The following SCAP variants were observed in gnomAD, a reference collection of about 807,000 sequenced individuals.
The protein encoded by SCAP is SREBF chaperone.
Under a neutral mutation model 123.6 loss-of-function variants are expected in SCAP, and 65 were observed. The ratio of observed to expected loss-of-function variants is 0.53; its 90% CI spans 0.43 to 0.65. The LOEUF is 0.65. SCAP is among the 30% of genes least tolerant of loss of function. SCAP has a pLI of 0.00. For missense variants in SCAP, 1,398 were observed against 1,712.5 expected (o/e 0.82, Z 3.24); for synonymous variants, 740 against 726.3 (o/e 1.02, Z -0.30).
At chr3:47,454,030 A>G (rs956370585) in intron 1 of SCAP, among the ~76,000 whole-genome samples, 8 of 152,232 alleles carry the variant, frequency 5.3e-5, no homozygotes, top group African/African-American at 1.9e-4. Flanking sequence ...ATCTCTGCCA[A>G]TGCTGAAGAC....
intron 1 of SCAP, among the ~76,000 whole-genome samples, chr3:47,443,782 T>A (rs1345598034): frequency 1.3e-5 from 2 of 152,172 alleles, no homozygotes; most frequent in African/African-American, 4.8e-5. Flanking sequence ...AACAGCAGCC[T>A]GGTATGGCTC....
chr3:47,445,232 T>G (rs1706984369), intron 1 of SCAP, among the ~76,000 whole-genome samples: 1 of 151,570 alleles, frequency 6.6e-6, no homozygotes, highest in South Asian at 2.1e-4. Context: ...TTTGAATACC[T>G]GTTTTCAATT....
rs1705468158 is a variant in SCAP, at chr3:47,414,443, TG to T, written c.3388-58del. ...CATGGTGTAATACCTCTGTCAACAG[TG>T]GTGTCCCTGTGCCCCAGTGGGTGGG... On this transcript the variant is annotated intron_variant, in intron 21 of 22. Coordinates refer to ENST00000265565, the MANE Select transcript of SCAP (RefSeq NM_012235.4). The T allele has an allele frequency of 5.6e-6, 9 of 1,597,212 alleles. No individual in the cohort carries two copies. In the South Asian group the frequency reaches 9.9e-5, roughly 18 times the overall value.
intron 3 of SCAP, among the ~76,000 whole-genome samples, chr3:47,433,820 G>A (rs571906633): frequency 1.3e-5 from 2 of 152,226 alleles, no homozygotes; most frequent in African/African-American, 4.8e-5. Flanking sequence ...AATGAGCTGA[G>A]ATCACGCCAC....
chr3:47,448,508 GAT>G (rs1409694969), intron 1 of SCAP, among the ~76,000 whole-genome samples: 2 of 151,228 alleles, frequency 1.3e-5, no homozygotes, highest in African/African-American at 4.9e-5. Context: ...AAACATAAAA[GAT>G]AAACTTTCTG....
At position 47,443,462 on chromosome 3, in the gene SCAP, C is replaced by G. The variant is rs77852723; in HGVS notation, c.-98-371G>C. Reference sequence around the variant, plus strand: ...TCTGTCAAACAGGCATTCTTCCCCCCCCTCCTCTATGCACAAATCCCACTG... The same window carrying G: ...TCTGTCAAACAGGCATTCTTCCCCCGCCTCCTCTATGCACAAATCCCACTG... On this transcript the variant is annotated intron_variant, in intron 1 of 22. Transcript: ENST00000265565. Among the ~76,000 whole-genome samples, 1,175 of 152,168 alleles carry G rather than the reference C, an allele frequency of 7.7e-3. 18 individuals are homozygous for G. The highest frequency in any genetic ancestry group is 0.027 in the African/African-American group (1,103 of 41,498).
intron 1 of SCAP, among the ~76,000 whole-genome samples, chr3:47,450,529 T>C (rs1707199293): frequency 8.6e-6 from 1 of 115,892 alleles, no homozygotes; most frequent in Admixed American, 9.5e-5. Context: ...TTTTTTTTCC[T>C]TGAGACAGAG....
chr3:47,462,355 T>C (rs975544276), intron 1 of SCAP, among the ~76,000 whole-genome samples: 60 of 152,156 alleles, frequency 3.9e-4, no homozygotes, highest in African/African-American at 1.4e-3. Flanking sequence ...CTATACAACC[T>C]CTGCCCCATC....
At chr3:47,456,958 G>A (rs546155653) in intron 1 of SCAP, among the ~76,000 whole-genome samples, 2 of 151,626 alleles carry the variant, frequency 1.3e-5, no homozygotes, top group African/African-American at 2.4e-5. Context: ...AGGCTGAGGC[G>A]GGTGGATCAC....
intron 1 of SCAP, among the ~76,000 whole-genome samples, chr3:47,454,851 G>A (rs986535312): frequency 1.3e-5 from 2 of 151,300 alleles, no homozygotes; most frequent in African/African-American, 2.4e-5. Flanking sequence ...AAGCCCAATG[G>A]GAACACACTA....
At chr3:47,425,306 A>G (rs1485259439) in intron 8 of SCAP, 179 bp downstream of exon 8, 5 of 686,532 alleles carry the variant, frequency 7.3e-6, no homozygotes, top group African/African-American at 1.8e-5. Flanking sequence ...ATATACAAAC[A>G]CAAGTATGAA....
At chr3:47,438,595 C>T (rs1313216990) in intron 2 of SCAP, among the ~76,000 whole-genome samples, 2 of 152,140 alleles carry the variant, frequency 1.3e-5, no homozygotes, top group South Asian at 2.1e-4. Flanking sequence ...GGGTGGGTCA[C>T]GTGAGGTCAG....
chr3:47,449,042 G>A (rs1399155987), intron 1 of SCAP, among the ~76,000 whole-genome samples: 3 of 152,154 alleles, frequency 2.0e-5, no homozygotes, highest in Admixed American at 2.0e-4. Flanking sequence ...TGTGGGCTGT[G>A]GTACCAATAT....
Position 47,420,964 on chromosome 3 carries a change from G to A in SCAP, c.1311C>T (p.Thr437=), listed in dbSNP as rs943499097. ...GGCGAATGTCAATGGACAGGACAGT[G>A]GTGAAAAACAGCATCTGAAGGAAGA... ...SDFFLQMLFF[T]TVLSIDIRRM... is the part of the protein sequence containing the mutation. Residue 437 remains threonine, a synonymous_variant, in exon 11 of 23, where the codon ACC becomes ACT. Coordinates refer to ENST00000265565, the MANE Select transcript of SCAP (RefSeq NM_012235.4). This position sits in a 1 kb window ranked among gnomAD's most constrained non-coding sequence, Gnocchi z 5.0. The A allele has an allele frequency of 1.2e-6, 2 of 1,613,966 alleles. No homozygotes were observed. The highest frequency in any genetic ancestry group is 3.3e-5 in the Admixed American group (2 of 60,032).
intron 1 of SCAP, among the ~76,000 whole-genome samples, chr3:47,459,734 A>T (rs749774826): frequency 6.6e-6 from 1 of 152,232 alleles, no homozygotes; most frequent in Non-Finnish European, 1.5e-5. Context: ...AGAACTACTG[A>T]TAAGGGTCTA....
chr3:47,415,997 C>T (rs1705553331), intron 18 of SCAP, among the ~76,000 whole-genome samples: 1 of 152,164 alleles, frequency 6.6e-6, no homozygotes, highest in African/African-American at 2.4e-5. Context: ...ATTGGCCAGG[C>T]TGGAGGGGAG....
rs1478353166 is a variant in SCAP, at chr3:47,414,671, T to G, written c.3307-19A>C. On this transcript the variant is annotated intron_variant, in intron 20 of 22. Coordinates refer to ENST00000265565, the MANE Select transcript of SCAP (RefSeq NM_012235.4). ...GGAACACCTGGGACAGGGATGGGCC[T>G]CAGGTTCTGGTCTCTGGGATTTTCC... is the stretch of plus-strand genomic sequence containing the variant. 1.9e-6 allele frequency: 3 copies of G among 1,613,050 alleles called. No homozygotes were observed. The South Asian group carries it at 3.3e-5, about 18-fold the overall frequency.
At position 47,413,968 on chromosome 3, in the gene SCAP, A is replaced by T; in HGVS notation, c.3726T>A (p.Ser1242Arg). The T allele has an allele frequency of 6.2e-7, 1 of 1,613,250 alleles. No individual in the cohort carries two copies. Among genetic ancestry groups the T allele is most frequent in the Non-Finnish European group, 8.5e-7 (1 of 1,180,004 alleles). ...GGATCTGGCGGGCAGGCTGGGCCTC[A>T]CTGTTCTTCCCCAGGTAGACTGTCT... ...LLQTVYLGKNSEAQPARQILV... is the reference protein window; with the variant it reads ...LLQTVYLGKNREAQPARQILV... Residue 1242 changes from serine to arginine, a missense_variant, in exon 23 of 23, where the codon AGT becomes AGA. Around this residue, in one of 7 missense-constraint regions of SCAP, gnomAD observed 130 missense variants for 166.7 expected, o/e 0.78. Transcript: ENST00000265565.
Position 47,423,925 on chromosome 3 carries a change from TGCGTTACCTTGG to T in SCAP, c.1146_1150+7del. On this transcript the variant is annotated splice_donor_variant and splice_donor_5th_base_variant and coding_sequence_variant and intron_variant, in exon 9 of 23. Transcript: ENST00000265565. LOFTEE classifies it high-confidence loss of function. Reference sequence around the variant, plus strand: ...GCAGCCCTCTGCCCAACTCTCCCACTGCGTTACCTTGGGCGATCCGCAGCTTCACCTCCAGGT... The same window carrying T: ...GCAGCCCTCTGCCCAACTCTCCCACTGCGATCCGCAGCTTCACCTCCAGGT... The T allele has an allele frequency of 6.2e-7, 1 of 1,606,318 alleles. No homozygotes were observed. The highest frequency in any genetic ancestry group is 8.5e-7 in the Non-Finnish European group (1 of 1,172,974).
Sources: gnomAD v4.1 joint callset for allele counts (sites outside exome capture counted in the v4.1 genomes callset) on GRCh38, gnomAD v4.1.1 for gene constraint, gnomAD v4.1.1 regional missense constraint, Gnocchi (gnomAD v3.1) non-coding constraint, MANE v1.5 for transcripts, NCBI Gene and HGNC (gene_info 2026-07-23, HGNC 2026-07-21) for gene names.